MYO3A: variants seen among roughly 807,000 people sequenced by gnomAD.
MYO3A encodes the protein myosin-IIIa.
A neutral mutation model predicts 192.7 loss-of-function variants in MYO3A; 180 were observed. The observed-to-expected ratio is 0.93, with a 90% CI of 0.83 to 1.06. The LOEUF (loss-of-function observed/expected upper bound fraction) is 1.06. MYO3A is among the 50% of genes least tolerant of loss of function. The pLI is 0.00. For synonymous variants in MYO3A, 628 were observed against 645.3 expected, an observed-to-expected ratio of 0.97 and a Z score of 0.41; for missense variants, 1,896 against 1,905.0, an observed-to-expected ratio of 1.00 and a Z score of 0.09.
chr10:26,009,891 G>A (rs549177018), intron 6 of MYO3A, among the ~76,000 whole-genome samples: 2 of 152,122 alleles, frequency 1.3e-5, no homozygotes, highest in Non-Finnish European at 1.5e-5. Context: ...GAGGACAATG[G>A]AGCAGGTAAA....
intron 32 of MYO3A, 143 bp from the exon 33 acceptor site, chr10:26,201,122 T>A (rs1843655983): frequency 5.8e-6 from 2 of 345,618 alleles, no homozygotes; most frequent in African/African-American, 2.2e-5. Context: ...TTTCTTTAAA[T>A]TTTTAAAATA....
chr10:26,139,202 A>G (rs1840015329), intron 20 of MYO3A, among the ~76,000 whole-genome samples: 1 of 152,176 alleles, frequency 6.6e-6, no homozygotes, highest in East Asian at 1.9e-4. Flanking sequence ...TGCAAATACA[A>G]TAGGCTACAA....
intron 2 of MYO3A, among the ~76,000 whole-genome samples, chr10:25,942,498 T>C (rs1270720875): frequency 6.6e-6 from 1 of 152,220 alleles, no homozygotes; most frequent in Non-Finnish European, 1.5e-5. Context: ...CTATATTTAC[T>C]TTTGTGAAGA....
At chr10:26,064,959 G>A (rs1834721165) in intron 10 of MYO3A, among the ~76,000 whole-genome samples, 1 of 152,186 alleles carries the variant, frequency 6.6e-6, no homozygotes, top group Non-Finnish European at 1.5e-5. Context: ...CAGTGAATGA[G>A]TGGTGTGTAA....
In MYO3A at chr10:26,193,231, A is replaced by G. The variant is rs147376000; in HGVS notation, c.4465A>G (p.Ile1489Val). The G allele has an allele frequency of 6.4e-3, 10,286 of 1,613,820 alleles. 49 individuals carry two copies. Among genetic ancestry groups the G allele is most frequent in the Non-Finnish European group, 7.1e-3 (8,377 of 1,179,748 alleles). ...SGVCKGEEPK[I>V]LRPPRRPRKP... The stretch of plus-strand genomic sequence containing the variant: ...TGTCTGTAAAGGAGAGGAGCCAAAA[A>G]TATTGAGACCCCCAAGACGACCCCG... Residue 1489 changes from isoleucine to valine, a missense_variant, in exon 32 of 35, where the codon ATA (isoleucine) becomes GTA (valine). By Grantham distance (29) the Ile-to-Val change is conservative (BLOSUM62 3). Coordinates refer to ENST00000642920, the MANE Select transcript of MYO3A (RefSeq NM_017433.5).
chr10:26,154,950 A>C (rs1841027183), intron 25 of MYO3A, 127 bp downstream of exon 25: 1 of 807,540 alleles, frequency 1.2e-6, no homozygotes, highest in Non-Finnish European at 2.0e-6. Flanking sequence ...TGTTAGATAC[A>C]GGATATGTTA....
chr10:26,108,570 C>T (rs941763866), intron 17 of MYO3A, among the ~76,000 whole-genome samples: 13 of 152,254 alleles, frequency 8.5e-5, no homozygotes, highest in South Asian at 4.1e-4. Context: ...ACTGTTGACT[C>T]CCTTCTAAAA....
intron 2 of MYO3A, among the ~76,000 whole-genome samples, chr10:25,946,868 A>C (rs1340401908): frequency 3.7e-5 from 4 of 108,420 alleles, no homozygotes; most frequent in Admixed American, 1.2e-4. Flanking sequence ...ACAGAGTGAG[A>C]CTCCGTCTCA....
At chr10:26,211,558 C>T (rs1445901181) in intron 34 of MYO3A, among the ~76,000 whole-genome samples, 1 of 152,202 alleles carries the variant, frequency 6.6e-6, no homozygotes, top group East Asian at 1.9e-4. Flanking sequence ...AATCCAAACT[C>T]ACCTTTCCAA....
At chr10:25,991,376 T>C (rs1335136341) in intron 4 of MYO3A, among the ~76,000 whole-genome samples, 6 of 152,238 alleles carry the variant, frequency 3.9e-5, no homozygotes, top group African/African-American at 1.2e-4. Flanking sequence ...TTTTTTCTTG[T>C]AAATTTGTTT....
chr10:25,996,238 T>C (rs886400203), intron 4 of MYO3A, among the ~76,000 whole-genome samples: 1 of 152,210 alleles, frequency 6.6e-6, no homozygotes, highest in Non-Finnish European at 1.5e-5. Context: ...TCCTTGCATT[T>C]GAAAATCAAG....
chr10:26,104,262 G>A (rs1354385004), intron 17 of MYO3A, among the ~76,000 whole-genome samples: 2 of 152,018 alleles, frequency 1.3e-5, no homozygotes, highest in Non-Finnish European at 2.9e-5. Context: ...GAAAACCATT[G>A]CCTAATCCAA....
chr10:26,040,719 T>A (rs969357960), intron 10 of MYO3A, among the ~76,000 whole-genome samples: 1 of 152,138 alleles, frequency 6.6e-6, no homozygotes, highest in Non-Finnish European at 1.5e-5. Context: ...TTGCTATTGT[T>A]ACTGATTTCT....
At position 26,134,592 on chromosome 10, in the gene MYO3A, T is replaced by A. The variant is rs189967598; in HGVS notation, c.2262+6054T>A. Among the ~76,000 whole-genome samples the A allele has an allele frequency of 1.4e-3, 218 of 152,296 alleles. 1 individual carries two copies. In the Middle Eastern group the frequency reaches 0.021, roughly 14 times the overall value. On this transcript the variant is annotated intron_variant, in intron 20 of 34. Coordinates refer to ENST00000642920, the MANE Select transcript of MYO3A (RefSeq NM_017433.5). Reference sequence around the variant, plus strand: ...CTTAACAATTGTGGAATAAACACCATGTAAAGGGTACACAGGAGTTCTTTG... The same window carrying A: ...CTTAACAATTGTGGAATAAACACCAAGTAAAGGGTACACAGGAGTTCTTTG...
At chr10:26,104,194 G>A (rs911135443) in intron 17 of MYO3A, among the ~76,000 whole-genome samples, 3 of 151,278 alleles carry the variant, frequency 2.0e-5, no homozygotes, top group East Asian at 3.9e-4. Context: ...TTTTTAAATT[G>A]TATGAAGTTC....
chr10:26,086,353 C>T (rs190057415), intron 14 of MYO3A, among the ~76,000 whole-genome samples: 83 of 152,246 alleles, frequency 5.5e-4, no homozygotes, highest in African/African-American at 1.9e-3. Flanking sequence ...CAGGCCCCCT[C>T]CCCTGACACG....
rs1466206028 is a variant in MYO3A, at chr10:26,157,217, T to A, written c.2794-93T>A. On this transcript the variant is annotated intron_variant, in intron 25 of 34. Coordinates refer to ENST00000642920, the MANE Select transcript of MYO3A (RefSeq NM_017433.5). ...TGGGAGCATTTATAACATTCATTTTTTGAATGTTATTCTTGTAGTAAAAAG... is the reference window on the plus strand; with the variant it reads ...TGGGAGCATTTATAACATTCATTTTATGAATGTTATTCTTGTAGTAAAAAG... 6.2e-6 allele frequency: 7 copies of A among 1,132,326 alleles called. No individual in the cohort carries two copies. The Admixed American group carries it at 1.1e-4, about 18-fold the overall frequency. The allele number at this position is 1,132,326 out of a possible 1,614,324, so 70.1% of individuals were successfully genotyped here. A position where few individuals can be genotyped will look rare whatever the true frequency, so the allele number is the denominator to read the frequency against.
At chr10:26,183,396 G>A (rs1282242951) in intron 31 of MYO3A, among the ~76,000 whole-genome samples, 4 of 152,106 alleles carry the variant, frequency 2.6e-5, no homozygotes, top group African/African-American at 9.7e-5. Flanking sequence ...GGTGGCGGGC[G>A]CCTATAGTCC....
chr10:26,112,038 G>A (rs1260432826), intron 17 of MYO3A, among the ~76,000 whole-genome samples: 2 of 152,080 alleles, frequency 1.3e-5, no homozygotes, highest in South Asian at 2.1e-4. Flanking sequence ...GCAGTGTTTC[G>A]CTTATATTTG....
Sources: allele counts gnomAD v4.1 joint callset (sites outside exome capture counted in the v4.1 genomes callset), GRCh38; gene constraint gnomAD v4.1.1; transcripts MANE v1.5; gene names NCBI Gene and HGNC (gene_info 2026-07-23, HGNC 2026-07-21).